RAB15: variants seen among roughly 807,000 people sequenced by gnomAD.
RAB15 encodes RAB15, member RAS oncogene family, also known as ras-related protein Rab-15.
RAB15 carries 13 observed loss-of-function variants against 31.8 expected under a neutral mutation model. The observed-to-expected ratio is 0.41, with a 90% CI of 0.27 to 0.65. RAB15 has a LOEUF of 0.65. Ranked by LOEUF, RAB15 falls within the 30% of genes least tolerant of loss-of-function variation. The probability of loss-of-function intolerance (pLI) is 0.32; values close to 1 mark genes in which losing one functional copy is unlikely to be tolerated. For synonymous variants in RAB15, 100 were observed against 105.6 expected, an observed-to-expected ratio of 0.95 and a Z score of 0.33; for missense variants, 220 against 277.3, an observed-to-expected ratio of 0.79 and a Z score of 1.47.
In RAB15 at chr14:64,962,736, G is replaced by A. The variant is rs1419218790; in HGVS notation, c.124+9217C>T. Among the ~76,000 whole-genome samples the A allele has an allele frequency of 6.6e-6, 1 of 152,174 alleles. No homozygotes were observed. Among genetic ancestry groups the A allele is most frequent in the Non-Finnish European group, 1.5e-5 (1 of 68,020 alleles). On this transcript the variant is annotated intron_variant, in intron 1 of 6. Transcript: ENST00000533601. The surrounding 1 kb of genome is among the most constrained non-coding windows in gnomAD (Gnocchi z 4.2). ...ACAGTTCCTAGGAAGAGGGTCAACA[G>A]TACTCTCTCCTTTGTTACAAAAGGG... is the stretch of plus-strand genomic sequence containing the variant.
chr14:64,956,058 C>T (rs190324067), intron 1 of RAB15, among the ~76,000 whole-genome samples: 5 of 152,242 alleles, frequency 3.3e-5, no homozygotes, highest in South Asian at 2.1e-4. Context: ...AAGCTGTTCT[C>T]AAAGTGTGTC....
In RAB15 at chr14:64,968,073, T is replaced by G. The variant is rs1594955727; in HGVS notation, c.124+3880A>C. 6.6e-6 allele frequency among the ~76,000 whole-genome samples: 1 copy of G among 152,324 alleles called. No individual in the cohort carries two copies. Among genetic ancestry groups the G allele is most frequent in the Admixed American group, 6.5e-5 (1 of 15,294 alleles). ...CTCTGCCAACTGGTCCCTGCATTCA[T>G]TCATTAATTTAACAACAGGCATTGA... is the stretch of plus-strand genomic sequence containing the variant. On this transcript the variant is annotated intron_variant, in intron 1 of 6. Coordinates refer to ENST00000533601, the MANE Select transcript of RAB15 (RefSeq NM_001308154.2). The surrounding 1 kb of genome is among the most constrained non-coding windows in gnomAD (Gnocchi z 4.9).
chr14:64,972,065 C>T lies in RAB15; in HGVS notation c.12G>A (p.Gln4=). 1.9e-6 allele frequency: 3 copies of T among 1,608,626 alleles called. No homozygotes were observed. Among genetic ancestry groups the T allele is most frequent in the Non-Finnish European group, 2.5e-6 (3 of 1,178,186 alleles). ...GCAGCAGCCGGAACAGCACATCGTA[C>T]TGCTTCGCCATGACTGGGGCCAGCG... MAK[Q]YDVLFRLLLI... is the part of the protein sequence containing the mutation. The change falls in exon 1 of 7, where the codon CAG becomes CAA. Residue 4 remains glutamine, a synonymous_variant. Coordinates refer to ENST00000533601, the MANE Select transcript of RAB15 (RefSeq NM_001308154.2). This position sits in a 1 kb window ranked among gnomAD's most constrained non-coding sequence, Gnocchi z 6.3.
In RAB15 at chr14:64,950,657, T is replaced by C. The variant is rs957999231; in HGVS notation, c.325-243A>G. On this transcript the variant is annotated intron_variant, in intron 4 of 6. Transcript: ENST00000533601. The surrounding 1 kb of genome is among the most constrained non-coding windows in gnomAD (Gnocchi z 5.6). ...GTGCTTCCTTGGGTTAGACCACTGG[T>C]ATCAGAGCTGGAAAGGACATTGGAT... 5.0e-6 allele frequency: 3 copies of C among 599,698 alleles called. No individual in the cohort carries two copies. Among genetic ancestry groups the C allele is most frequent in the East Asian group, 5.5e-5 (2 of 36,176 alleles). The allele number at this position is 599,698 out of a possible 1,614,324, so 37.1% of individuals were successfully genotyped here.
rs115543928 is a variant in RAB15 at position 64,953,284 on chromosome 14, G to A, written c.125-713C>T. The stretch of plus-strand genomic sequence containing the variant: ...CATCAGGCACCTTGCTTCACTGAGC[G>A]TCCATTTCTGCCTCAGTAAATATCT... On this transcript the variant is annotated intron_variant, in intron 1 of 6. Transcript: ENST00000533601. This position sits in a 1 kb window ranked among gnomAD's most constrained non-coding sequence, Gnocchi z 4.6. Among the ~76,000 whole-genome samples, 744 of 152,338 alleles carry A rather than the reference G, an allele frequency of 4.9e-3. 7 individuals are homozygous for A. Among genetic ancestry groups the A allele is most frequent in the African/African-American group, 0.017 (699 of 41,580 alleles).
In RAB15 at chr14:64,958,498, T is replaced by C. The variant is rs1277171134; in HGVS notation, c.125-5927A>G. Among the ~76,000 whole-genome samples the C allele has an allele frequency of 6.6e-6, 1 of 152,104 alleles. No homozygotes were observed. Among genetic ancestry groups the C allele is most frequent in the African/African-American group, 2.4e-5 (1 of 41,434 alleles). ...CCTCCCAAACTCTGAGCAATACATT[T>C]CTCTTGCTTTAAATTACTCAGCTAA... On this transcript the variant is annotated intron_variant, in intron 1 of 6. Coordinates refer to ENST00000533601, the MANE Select transcript of RAB15 (RefSeq NM_001308154.2). This position sits in a 1 kb window ranked among gnomAD's most constrained non-coding sequence, Gnocchi z 4.4.
chr14:64,948,199 C>T lies in RAB15; in HGVS notation c.*155G>A. The T allele has an allele frequency of 1.3e-6, 1 of 770,638 alleles. No homozygotes were observed. Among genetic ancestry groups the T allele is most frequent in the Non-Finnish European group, 1.9e-6 (1 of 513,382 alleles). The allele number at this position is 770,638 out of a possible 1,614,324, so 47.7% of individuals were successfully genotyped here. A position where few individuals can be genotyped will look rare whatever the true frequency, so the allele number is the denominator to read the frequency against. On this transcript the variant is annotated 3_prime_UTR_variant, in exon 7 of 7. Coordinates refer to ENST00000533601, the MANE Select transcript of RAB15 (RefSeq NM_001308154.2). This position sits in a 1 kb window ranked among gnomAD's most constrained non-coding sequence, Gnocchi z 7.0. ...GGGGCTGCTTGAGATGACAGCAGAG[C>T]CGCTCTCAGGGCCAGGCAGGGGGAG...
chr14:64,967,478 T>C (rs1887196040), intron 1 of RAB15, among the ~76,000 whole-genome samples: 1 of 152,084 alleles, frequency 6.6e-6, no homozygotes, highest in Admixed American at 6.5e-5. Context: ...TCCCAGCTAC[T>C]TGAGAGGCTG....
At chr14:64,963,088 G>T (rs2139994516) in intron 1 of RAB15, among the ~76,000 whole-genome samples, 1 of 149,130 alleles carries the variant, frequency 6.7e-6, no homozygotes, top group Middle Eastern at 3.5e-3. Context: ...AGATAATCAG[G>T]ATCAGTGTTC....
In RAB15 at chr14:64,951,933, A is replaced by C. The variant is rs1886275403; in HGVS notation, c.186-270T>G. 6.6e-6 allele frequency among the ~76,000 whole-genome samples: 1 copy of C among 152,118 alleles called. No individual in the cohort carries two copies. Among genetic ancestry groups the C allele is most frequent in the South Asian group, 2.1e-4 (1 of 4,826 alleles). On this transcript the variant is annotated intron_variant, in intron 2 of 6. Transcript: ENST00000533601. This position sits in a 1 kb window ranked among gnomAD's most constrained non-coding sequence, Gnocchi z 7.2. ...GAACAGGCCTTGGACAGCTCTCTGG[A>C]ATCTGGCCACTGTGGCCAGATTTGG...
rs922892368 is a variant in RAB15 at position 64,950,615 on chromosome 14, C to T, written c.325-201G>A. 9 of 620,198 alleles carry T rather than the reference C, an allele frequency of 1.5e-5. No homozygotes were observed. Among genetic ancestry groups the T allele is most frequent in the African/African-American group, 1.3e-4 (7 of 54,400 alleles). 38.4% of individuals were successfully genotyped at this position (620,198 alleles called of 1,614,324 possible). A position where few individuals can be genotyped will look rare whatever the true frequency, so the allele number is the denominator to read the frequency against. On this transcript the variant is annotated intron_variant, in intron 4 of 6. Transcript: ENST00000533601. This position sits in a 1 kb window ranked among gnomAD's most constrained non-coding sequence, Gnocchi z 5.6. ...CACGGGGAGAGCTTAGGGTAGAAGA[C>T]ACTCTGGCTAAGACTGGTGCTTCCT... is the stretch of plus-strand genomic sequence containing the variant.
intron 1 of RAB15, among the ~76,000 whole-genome samples, chr14:64,964,170 A>C (rs1369451973): frequency 1.3e-5 from 2 of 152,206 alleles, no homozygotes; most frequent in African/African-American, 4.8e-5. Flanking sequence ...AAGTCAGTAC[A>C]TATCTAGAGA....
At position 64,954,556 on chromosome 14, in the gene RAB15, T is replaced by C. The variant is rs2898885; in HGVS notation, c.125-1985A>G. ...TTATTTCCTTTATCCCACAAACATTTATGGGAACTTCCTATGTGCCCTGCA... is the reference window on the plus strand; with the variant it reads ...TTATTTCCTTTATCCCACAAACATTCATGGGAACTTCCTATGTGCCCTGCA... On this transcript the variant is annotated intron_variant, in intron 1 of 6. Transcript: ENST00000533601. The surrounding 1 kb of genome is among the most constrained non-coding windows in gnomAD (Gnocchi z 4.3). The C allele has an allele frequency of 0.2, 192,654 of 981,920 alleles. 19,431 individuals carry two copies. Among genetic ancestry groups the C allele is most frequent in the South Asian group, 0.28 (5,938 of 21,236 alleles). The allele number at this position is 981,920 out of a possible 1,614,324, so 60.8% of individuals were successfully genotyped here.
chr14:64,961,995 A>G (rs1594948041), intron 1 of RAB15, among the ~76,000 whole-genome samples: 1 of 151,882 alleles, frequency 6.6e-6, no homozygotes. Context: ...CAGGCAGGTC[A>G]CCTGAGGTCA....
At position 64,954,260 on chromosome 14, in the gene RAB15, G is replaced by A. The variant is rs1369927521; in HGVS notation, c.125-1689C>T. 1 of 985,290 alleles carries A rather than the reference G, an allele frequency of 1.0e-6. No homozygotes were observed. Among genetic ancestry groups the A allele is most frequent in the East Asian group, 1.1e-4 (1 of 8,822 alleles). 61.0% of individuals were successfully genotyped at this position (985,290 alleles called of 1,614,324 possible). A position where few individuals can be genotyped will look rare whatever the true frequency, so the allele number is the denominator to read the frequency against. On this transcript the variant is annotated intron_variant, in intron 1 of 6. Transcript: ENST00000533601. This position sits in a 1 kb window ranked among gnomAD's most constrained non-coding sequence, Gnocchi z 4.3. ...TGAAGAGAAGGAGGGAGGAAGGGAG[G>A]AAGGAGAGAAGCATCAGGCCTTGGG... is the stretch of plus-strand genomic sequence containing the variant.
At chr14:64,965,438 C>T (rs1459463394) in intron 1 of RAB15, among the ~76,000 whole-genome samples, 1 of 152,050 alleles carries the variant, frequency 6.6e-6, no homozygotes, top group African/African-American at 2.4e-5. Context: ...CCAGCCTGGG[C>T]GACAGAGCTA....
chr14:64,948,636 G>T lies in RAB15; in HGVS notation c.480+32C>A. 1 of 1,613,334 alleles carries T rather than the reference G, an allele frequency of 6.2e-7. No individual in the cohort carries two copies. Among genetic ancestry groups the T allele is most frequent in the South Asian group, 1.1e-5 (1 of 91,070 alleles). The stretch of plus-strand genomic sequence containing the variant: ...CCCACCTCTGCTGGACTCAGCCCGA[G>T]AGAGCGGGCGCCTGGTCACCAGGGC... On this transcript the variant is annotated intron_variant, in intron 6 of 6. Coordinates refer to ENST00000533601, the MANE Select transcript of RAB15 (RefSeq NM_001308154.2). This position sits in a 1 kb window ranked among gnomAD's most constrained non-coding sequence, Gnocchi z 7.0.
Position 64,968,151 on chromosome 14 carries a change from G to A in RAB15, c.124+3802C>T, listed in dbSNP as rs930166431. The stretch of plus-strand genomic sequence containing the variant: ...TAAAAACAATGAGGAATAAGATTTG[G>A]TCGCACCATCAAGGCACTTATAATT... On this transcript the variant is annotated intron_variant, in intron 1 of 6. Transcript: ENST00000533601. The surrounding 1 kb of genome is among the most constrained non-coding windows in gnomAD (Gnocchi z 4.9). Among the ~76,000 whole-genome samples, 1 of 152,182 alleles carries A rather than the reference G, an allele frequency of 6.6e-6. No homozygotes were observed. The highest frequency in any genetic ancestry group is 2.4e-5 in the African/African-American group (1 of 41,438).
At chr14:64,965,417 C>T (rs1887084630) in intron 1 of RAB15, among the ~76,000 whole-genome samples, 2 of 152,084 alleles carry the variant, frequency 1.3e-5, no homozygotes, top group Admixed American at 1.3e-4. Flanking sequence ...CGAGATCGAG[C>T]CATTTGCACT....
Sources: allele counts gnomAD v4.1 joint callset (sites outside exome capture counted in the v4.1 genomes callset), GRCh38; gene constraint gnomAD v4.1.1; non-coding constraint Gnocchi (gnomAD v3.1); transcripts MANE v1.5; gene names NCBI Gene and HGNC (gene_info 2026-07-23, HGNC 2026-07-21).